CHODL: variants seen among roughly 807,000 people sequenced by gnomAD.
The protein encoded by CHODL is chondrolectin.
CHODL carries 29 observed loss-of-function variants against 34.5 expected under a neutral mutation model. The ratio of observed to expected loss-of-function variants is 0.84; its 90% CI spans 0.63 to 1.15. CHODL has a LOEUF of 1.15. Ranked by LOEUF, CHODL falls within the 50% of genes most tolerant of loss-of-function variation. CHODL has a pLI of 0.00. For missense variants in CHODL, 332 were observed against 332.5 expected (o/e 1.00, Z 0.01); for synonymous variants, 125 against 116.1 (o/e 1.08, Z -0.49).
chr21:18,242,834 C>A (rs888371464), upstream of CHODL, among the ~76,000 whole-genome samples: 3 of 152,112 alleles, frequency 2.0e-5, no homozygotes, highest in Non-Finnish European at 4.4e-5. Flanking sequence ...ATTACTAATA[C>A]CATGAAGATC....
At chr21:18,109,068 T>G (rs1388175230) in intron 2 of CHODL, among the ~76,000 whole-genome samples, 1 of 152,204 alleles carries the variant, frequency 6.6e-6, no homozygotes, top group Non-Finnish European at 1.5e-5. Flanking sequence ...TAAACGTATT[T>G]TCAGCATACA....
chr21:18,118,735 C>G (rs552033680), intron 2 of CHODL, among the ~76,000 whole-genome samples: 27 of 152,306 alleles, frequency 1.8e-4, no homozygotes, highest in African/African-American at 6.0e-4. Flanking sequence ...TAGCCCTTGT[C>G]TCTAATGACA....
rs375082935 is a variant in CHODL at position 18,146,293 on chromosome 21, G to T, written c.-44-110216G>T. Among the ~76,000 whole-genome samples, 22 of 152,142 alleles carry T rather than the reference G, an allele frequency of 1.4e-4. No individual in the cohort carries two copies. In the South Asian group the frequency reaches 4.6e-3, roughly 32 times the overall value. ...CTTGGCCTGGAAAAGTTTTAAAAAT[G>T]AGTCTGAAATTTCATTACTGCACCG... On this transcript the variant is annotated intron_variant, in intron 2 of 6. Coordinates refer to the CHODL transcript ENST00000400127.
chr21:18,158,838 TA>T (rs11423104), intron 2 of CHODL, among the ~76,000 whole-genome samples: 31 of 121,210 alleles, frequency 2.6e-4, no homozygotes, highest in East Asian at 1.4e-3. Flanking sequence ...AACTCCGTCT[TA>T]AAAAAAAAAA....
rs980927406 is a variant in CHODL at position 17,941,315 on chromosome 21, C to T, written c.-145+23915C>T. On this transcript the variant is annotated intron_variant, in intron 1 of 6. Transcript: ENST00000400127. ...TTTTTTTTTTTTTTTTTTTTCATCC[C>T]TGGGCCACTTTCCAAGGCTAGAAGA... 7.7e-5 allele frequency among the ~76,000 whole-genome samples: 10 copies of T among 130,372 alleles called. No homozygotes were observed. The Admixed American group carries it at 7.8e-4, about 10-fold the overall frequency. The allele number at this position is 130,372 out of a possible 152,430, so 85.5% of individuals were successfully genotyped here. A position where few individuals can be genotyped will look rare whatever the true frequency, so the allele number is the denominator to read the frequency against.
At chr21:18,071,242 G>A (rs1314065127) in intron 2 of CHODL, among the ~76,000 whole-genome samples, 1 of 150,520 alleles carries the variant, frequency 6.6e-6, no homozygotes, top group African/African-American at 2.4e-5. Context: ...TGCTTTCCGG[G>A]TTCAAATGAT....
At chr21:18,075,811 C>G (rs920577699) in intron 2 of CHODL, among the ~76,000 whole-genome samples, 1 of 152,000 alleles carries the variant, frequency 6.6e-6, no homozygotes, top group African/African-American at 2.4e-5. Flanking sequence ...AAGATAATGG[C>G]GTTAGGAGGT....
Position 18,086,624 on chromosome 21 carries a change from A to G in CHODL, c.-45+58653A>G, listed in dbSNP as rs146323225. Reference sequence around the variant, plus strand: ...TTTGGTTGTACACAGGGTCAGTGGTATCTGTAATTTCTTCAGTGGTTTAGG... The same window carrying G: ...TTTGGTTGTACACAGGGTCAGTGGTGTCTGTAATTTCTTCAGTGGTTTAGG... On this transcript the variant is annotated intron_variant, in intron 2 of 6. Coordinates refer to the CHODL transcript ENST00000400127. 3.2e-3 allele frequency among the ~76,000 whole-genome samples: 494 copies of G among 152,272 alleles called. 7 individuals are homozygous for G. The Middle Eastern group carries it at 0.075, about 23-fold the overall frequency.
In CHODL at chr21:18,136,119, G is replaced by GA. The variant is rs755756494; in HGVS notation, c.-45+108153dup. On this transcript the variant is annotated intron_variant, in intron 2 of 6. Coordinates refer to the CHODL transcript ENST00000400127. Reference sequence around the variant, plus strand: ...AGATTATGTCTCAAAAAAAAAAAAAGAAAAAGAAAAAAAAGAAAAAATGAA... The same window carrying GA: ...AGATTATGTCTCAAAAAAAAAAAAAGAAAAAAGAAAAAAAAGAAAAAATGAA... 1.7e-4 allele frequency among the ~76,000 whole-genome samples: 23 copies of GA among 134,344 alleles called. 1 individual carries two copies. Among genetic ancestry groups the GA allele is most frequent in the East Asian group, 8.8e-4 (4 of 4,568 alleles). 88.1% of individuals were successfully genotyped at this position (134,344 alleles called of 152,430 possible).
At chr21:18,164,634 C>T (rs531599316) in intron 2 of CHODL, among the ~76,000 whole-genome samples, 264 of 152,232 alleles carry the variant, frequency 1.7e-3, no homozygotes, top group African/African-American at 6.0e-3. Flanking sequence ...GAGGATTAAA[C>T]GAGAAATATC....
At chr21:17,929,982 A>G (rs1458866993) in intron 1 of CHODL, among the ~76,000 whole-genome samples, 1 of 152,162 alleles carries the variant, frequency 6.6e-6, no homozygotes, top group African/African-American at 2.4e-5. Flanking sequence ...CAGTACAGCC[A>G]CCTTGCTTCT....
At chr21:17,992,475 A>G (rs929442734) in intron 1 of CHODL, among the ~76,000 whole-genome samples, 25 of 151,906 alleles carry the variant, frequency 1.6e-4, no homozygotes, top group Non-Finnish European at 2.5e-4. Context: ...TGTGCTTTCA[A>G]TTTCTTTCAT....
intron 2 of CHODL, chr21:18,134,360 T>A: frequency 1.9e-6 from 1 of 517,688 alleles, no homozygotes; most frequent in Non-Finnish European, 3.9e-6. Flanking sequence ...GTCCACTGAG[T>A]GAAAGGTGGA....
chr21:17,955,601 C>T (rs1172334250), intron 1 of CHODL, among the ~76,000 whole-genome samples: 1 of 136,648 alleles, frequency 7.3e-6, no homozygotes, highest in Non-Finnish European at 1.7e-5. Flanking sequence ...ACCATGAGAC[C>T]AGCTTATCTT....
chr21:18,250,323 A>G (rs181200991), intron 1 of CHODL, among the ~76,000 whole-genome samples: 2 of 151,826 alleles, frequency 1.3e-5, no homozygotes, highest in African/African-American at 4.8e-5. Context: ...CTGATTTTTT[A>G]AAAAAATAGT....
chr21:17,963,189 C>T (rs1215659768), intron 1 of CHODL, among the ~76,000 whole-genome samples: 3 of 151,990 alleles, frequency 2.0e-5, no homozygotes, highest in Non-Finnish European at 2.9e-5. Flanking sequence ...TTGGATACAC[C>T]AGAGATTCCA....
chr21:18,115,682 A>G (rs532433117), intron 2 of CHODL, among the ~76,000 whole-genome samples: 5 of 152,246 alleles, frequency 3.3e-5, no homozygotes, highest in African/African-American at 1.2e-4. Context: ...TGTGCACTTA[A>G]TTATCCCGAT....
chr21:17,951,204 C>T (rs539711984), intron 1 of CHODL, among the ~76,000 whole-genome samples: 1 of 151,184 alleles, frequency 6.6e-6, no homozygotes, highest in Non-Finnish European at 1.5e-5. Context: ...ATTTAAGCAC[C>T]AAAAGTCTAA....
intron 1 of CHODL, among the ~76,000 whole-genome samples, chr21:17,946,679 A>G (rs2063412323): frequency 6.6e-6 from 1 of 151,868 alleles, no homozygotes; most frequent in African/African-American, 2.4e-5. Context: ...TGTTTCTTTT[A>G]ATGGTGTTTA....
Sources: gnomAD v4.1 joint callset for allele counts (sites outside exome capture counted in the v4.1 genomes callset) on GRCh38, gnomAD v4.1.1 for gene constraint, MANE v1.5 for transcripts, NCBI Gene and HGNC (gene_info 2026-07-23, HGNC 2026-07-21) for gene names.